Variants in GTF2F2 observed in about 807,000 individuals in gnomAD.
GTF2F2 encodes the protein general transcription factor IIF subunit 2.
Under a neutral mutation model 42.2 loss-of-function variants are expected in GTF2F2, and 23 were observed. That is an observed-to-expected ratio of 0.55 (90% CI 0.39 to 0.77). The LOEUF (loss-of-function observed/expected upper bound fraction) is 0.77, where lower values mean the gene tolerates loss of function less well. Ranked by LOEUF, GTF2F2 falls within the 30% of genes least tolerant of loss-of-function variation. GTF2F2 has a pLI of 0.00. For synonymous variants in GTF2F2, 105 were observed against 100.8 expected, an observed-to-expected ratio of 1.04 and a Z score of -0.25; for missense variants, 261 against 287.2, an observed-to-expected ratio of 0.91 and a Z score of 0.66.
intron 4 of GTF2F2, among the ~76,000 whole-genome samples, chr13:45,162,685 A>G (rs1387683332): frequency 6.6e-6 from 1 of 152,206 alleles, no homozygotes; most frequent in South Asian, 2.1e-4. Flanking sequence ...TAGCTTTAAT[A>G]ATCTGAGGTT....
At chr13:45,258,992 C>T (rs964460058) in intron 6 of GTF2F2, among the ~76,000 whole-genome samples, 2 of 152,204 alleles carry the variant, frequency 1.3e-5, no homozygotes, top group African/African-American at 4.8e-5. Context: ...AATTTCATAG[C>T]ATTCTTTTAT....
chr13:45,200,727 T>G (rs1873140433), intron 4 of GTF2F2, among the ~76,000 whole-genome samples: 1 of 152,206 alleles, frequency 6.6e-6, no homozygotes, highest in Non-Finnish European at 1.5e-5. Context: ...AGACCTCAAC[T>G]CAGAACCACA....
At chr13:45,148,243 G>A (rs558064553) in intron 2 of GTF2F2, among the ~76,000 whole-genome samples, 9 of 152,272 alleles carry the variant, frequency 5.9e-5, no homozygotes, top group Admixed American at 2.0e-4. Flanking sequence ...ATTTTCTAGT[G>A]CAAGTTTCCT....
In GTF2F2 at chr13:45,187,376, C is replaced by T. The variant is rs541036454; in HGVS notation, c.305-20048C>T. ...AATTTGTGTATTTTATTATACAATG[C>T]TTAATGTACATTTCTGCATTGTTAG... is the stretch of plus-strand genomic sequence containing the variant. On this transcript the variant is annotated intron_variant, in intron 4 of 7. Coordinates refer to ENST00000340473, the MANE Select transcript of GTF2F2 (RefSeq NM_004128.3). Among the ~76,000 whole-genome samples, 25 of 152,202 alleles carry T rather than the reference C, an allele frequency of 1.6e-4. 1 individual carries two copies. The highest frequency in any genetic ancestry group is 3.3e-4 in the Admixed American group (5 of 15,288).
At chr13:45,163,571 G>T (rs1018564011) in intron 4 of GTF2F2, among the ~76,000 whole-genome samples, 24 of 151,896 alleles carry the variant, frequency 1.6e-4, no homozygotes, top group African/African-American at 5.8e-4. Context: ...CTTAGTCGCG[G>T]TATTAAAACT....
intron 4 of GTF2F2, among the ~76,000 whole-genome samples, chr13:45,159,371 A>C (rs1870923338): frequency 6.6e-6 from 1 of 152,220 alleles, no homozygotes; most frequent in Non-Finnish European, 1.5e-5. Context: ...AAGTATAGTA[A>C]ATGAAAAAGG....
chr13:45,194,397 A>G (rs1329053374), intron 4 of GTF2F2: 12 of 1,614,082 alleles, frequency 7.4e-6, no homozygotes, highest in East Asian at 2.2e-5. Flanking sequence ...CTTCAAGGAA[A>G]GTGTCTGGGT....
chr13:45,264,272 ATTTTTATT>A (rs1201062928), intron 6 of GTF2F2, among the ~76,000 whole-genome samples: 29 of 150,920 alleles, frequency 1.9e-4, no homozygotes, highest in Middle Eastern at 3.4e-3. Context: ...TTTATTTTTT[ATTTTTATT>A]TTTTTATTTT....
intron 2 of GTF2F2, among the ~76,000 whole-genome samples, chr13:45,148,208 G>A (rs1457010173): frequency 1.3e-5 from 2 of 152,162 alleles, no homozygotes; most frequent in African/African-American, 4.8e-5. Context: ...CCTATCTCTA[G>A]TCACCTTTAG....
At chr13:45,174,677 TACAGG>T in intron 4 of GTF2F2, among the ~76,000 whole-genome samples, 1 of 150,124 alleles carries the variant, frequency 6.7e-6, no homozygotes, top group African/African-American at 2.5e-5. Context: ...TTTTATTACT[TACAGG>T]TCCTGGATAC....
intron 5 of GTF2F2, among the ~76,000 whole-genome samples, chr13:45,218,605 A>G (rs1176894719): frequency 2.0e-5 from 3 of 152,236 alleles, no homozygotes; most frequent in African/African-American, 7.2e-5. Flanking sequence ...GTAATTTCAA[A>G]TAAACTTGCC....
At chr13:45,154,224 C>CA (rs2138123575) in intron 4 of GTF2F2, among the ~76,000 whole-genome samples, 1 of 152,118 alleles carries the variant, frequency 6.6e-6, no homozygotes, top group South Asian at 2.1e-4. Context: ...AGATTTTTTA[C>CA]ATCTTATTAA....
intron 4 of GTF2F2, among the ~76,000 whole-genome samples, chr13:45,159,602 A>T (rs1457311784): frequency 6.6e-6 from 1 of 152,198 alleles, no homozygotes; most frequent in Admixed American, 6.5e-5. Flanking sequence ...AATACAAAAA[A>T]TTACAGACTA....
At chr13:45,198,423 C>T (rs1873009953) in intron 4 of GTF2F2, among the ~76,000 whole-genome samples, 1 of 152,216 alleles carries the variant, frequency 6.6e-6, no homozygotes, top group African/African-American at 2.4e-5. Flanking sequence ...TATGATAATT[C>T]TCCTAGACTT....
In GTF2F2 at chr13:45,267,438, A is replaced by G. The variant is rs372922485; in HGVS notation, c.630+62A>G. 2.8e-4 allele frequency: 311 copies of G among 1,109,280 alleles called. 3 individuals are homozygous for G. In the East Asian group the frequency reaches 6.9e-3, roughly 25 times the overall value. The allele number at this position is 1,109,280 out of a possible 1,614,324, so 68.7% of individuals were successfully genotyped here. A position where few individuals can be genotyped will look rare whatever the true frequency, so the allele number is the denominator to read the frequency against. ...CTCCTTCATTAACACGACATTACTG[A>G]AAGTGTGTCATACATGATTTAGTTC... is the stretch of plus-strand genomic sequence containing the variant. On this transcript the variant is annotated intron_variant, in intron 7 of 7. Transcript: ENST00000340473.
At chr13:45,191,253 A>ATATATATATATATT in intron 4 of GTF2F2, among the ~76,000 whole-genome samples, 1 of 138,570 alleles carries the variant, frequency 7.2e-6, no homozygotes, top group African/African-American at 2.8e-5. Context: ...ATATATATAT[A>ATATATATATATATT]TAGCCATAAT....
At chr13:45,236,522 C>T (rs1874996743) in intron 5 of GTF2F2, among the ~76,000 whole-genome samples, 1 of 133,578 alleles carries the variant, frequency 7.5e-6, no homozygotes, top group Non-Finnish European at 1.6e-5. Context: ...CACACACACA[C>T]ACACACAAGT....
At chr13:45,223,314 A>C (rs1186187750) in intron 5 of GTF2F2, among the ~76,000 whole-genome samples, 1 of 151,156 alleles carries the variant, frequency 6.6e-6, no homozygotes. Flanking sequence ...AAAATGATGC[A>C]GTTGTATAGG....
At chr13:45,213,334 C>G (rs1036549134) in intron 5 of GTF2F2, among the ~76,000 whole-genome samples, 1 of 152,128 alleles carries the variant, frequency 6.6e-6, no homozygotes, top group African/African-American at 2.4e-5. Flanking sequence ...CCGCCTCGGC[C>G]CCTCAAAGTG....
Sources: allele counts gnomAD v4.1 joint callset (sites outside exome capture counted in the v4.1 genomes callset), GRCh38; gene constraint gnomAD v4.1.1; transcripts MANE v1.5; gene names NCBI Gene and HGNC (gene_info 2026-07-23, HGNC 2026-07-21).